Variants in SNX29 observed in about 807,000 individuals in gnomAD.
SNX29 encodes sorting nexin-29.
SNX29 carries 78 observed loss-of-function variants against 102.1 expected under a neutral mutation model. The ratio of observed to expected loss-of-function variants is 0.76; its 90% confidence interval spans 0.64 to 0.92. The LOEUF (loss-of-function observed/expected upper bound fraction) is 0.92. SNX29 is among the 40% of genes least tolerant of loss of function. The pLI is 0.00. For missense variants in SNX29, 1,280 were observed against 1,061.7 expected (o/e 1.21, Z -2.86); for synonymous variants, 580 against 414.5 (o/e 1.40, Z -4.85).
intron 11 of SNX29, among the ~76,000 whole-genome samples, chr16:12,088,372 C>A (rs2052321700): frequency 6.6e-6 from 1 of 152,048 alleles, no homozygotes; most frequent in African/African-American, 2.4e-5. Flanking sequence ...GCTTTTAGGA[C>A]ATGGGTGCTG....
chr16:12,413,276 C>G (rs1247046811), intron 18 of SNX29, among the ~76,000 whole-genome samples: 1 of 152,104 alleles, frequency 6.6e-6, no homozygotes, highest in Non-Finnish European at 1.5e-5. Context: ...AGCCAGGTCA[C>G]TCTTGCTGAA....
chr16:12,492,456 A>G (rs2088598382), intron 19 of SNX29, among the ~76,000 whole-genome samples: 1 of 152,182 alleles, frequency 6.6e-6, no homozygotes, highest in African/African-American at 2.4e-5. Flanking sequence ...GTAGGTTGCA[A>G]AAATTTTCTC....
At chr16:12,379,734 A>G (rs1295486501) in intron 16 of SNX29, among the ~76,000 whole-genome samples, 2 of 152,190 alleles carry the variant, frequency 1.3e-5, no homozygotes, top group African/African-American at 4.8e-5. Context: ...TCTCTCTGGC[A>G]GGGCTGCTGC....
At chr16:12,255,817 T>G (rs1195097369) in intron 14 of SNX29, among the ~76,000 whole-genome samples, 3 of 152,246 alleles carry the variant, frequency 2.0e-5, no homozygotes, top group Non-Finnish European at 4.4e-5. Flanking sequence ...CTATTGTGAA[T>G]AGTGCTGCAA....
intron 20 of SNX29, among the ~76,000 whole-genome samples, chr16:12,542,763 T>G (rs1376414813): frequency 6.6e-6 from 1 of 152,066 alleles, no homozygotes; most frequent in East Asian, 1.9e-4. Context: ...CACTGCCTTT[T>G]TTTTTTTTTT....
At chr16:12,329,867 C>A (rs967253219) in intron 15 of SNX29, among the ~76,000 whole-genome samples, 1 of 152,178 alleles carries the variant, frequency 6.6e-6, no homozygotes, top group Non-Finnish European at 1.5e-5. Context: ...TTGACAAGAG[C>A]TGTTTTTTTC....
intron 2 of SNX29, among the ~76,000 whole-genome samples, chr16:12,001,445 T>C (rs2056284745): frequency 6.6e-6 from 1 of 152,060 alleles, no homozygotes. Flanking sequence ...ATTATTATTG[T>C]TATTTTGACG....
intron 16 of SNX29, among the ~76,000 whole-genome samples, chr16:12,363,329 C>G (rs2082359480): frequency 1.3e-5 from 2 of 152,160 alleles, no homozygotes; most frequent in Admixed American, 6.5e-5. Context: ...TAAGAGGCAT[C>G]TATTTATGGG....
intron 15 of SNX29, among the ~76,000 whole-genome samples, chr16:12,310,119 C>CACACACAT (rs374142105): frequency 0.59 from 89,196 of 151,794 alleles, 27,030 homozygotes; most frequent in African/African-American, 0.71. Context: ...TACACGTGCA[C>CACACACAT]GCACACATGC....
At chr16:12,489,759 C>G (rs1328341027) in intron 19 of SNX29, among the ~76,000 whole-genome samples, 1 of 152,146 alleles carries the variant, frequency 6.6e-6, no homozygotes, top group East Asian at 1.9e-4. Flanking sequence ...CTTTCATTCT[C>G]TCTTCTTCCT....
rs139414541 is a variant in SNX29 at position 12,573,374 on chromosome 16, C to G, written c.*4745C>G. 1 of 223,996 alleles carries G rather than the reference C, an allele frequency of 4.5e-6. No homozygotes were observed. The highest frequency in any genetic ancestry group is 2.2e-5 in the African/African-American group (1 of 44,946). 13.9% of individuals were successfully genotyped at this position (223,996 alleles called of 1,614,324 possible). A position where few individuals can be genotyped will look rare whatever the true frequency, so the allele number is the denominator to read the frequency against. ...CTTCTAAATCCCAGCAACCAAGTTG[C>G]GTATCCTTCCTTATAGCTAGTTTCT... is the stretch of plus-strand genomic sequence containing the variant. On this transcript the variant is annotated 3_prime_UTR_variant, in exon 21 of 21. Transcript: ENST00000566228.
intron 18 of SNX29, among the ~76,000 whole-genome samples, chr16:12,451,292 T>C (rs183418917): frequency 3.4e-3 from 525 of 152,278 alleles, no homozygotes; most frequent in Non-Finnish European, 4.6e-3. Flanking sequence ...AAAATTAGCT[T>C]CTTCCCCACC....
At chr16:12,503,141 C>G (rs2089205822) in intron 19 of SNX29, among the ~76,000 whole-genome samples, 1 of 152,134 alleles carries the variant, frequency 6.6e-6, no homozygotes, top group South Asian at 2.1e-4. Flanking sequence ...ACTGCACACC[C>G]CCCTGCCCAT....
chr16:12,478,937 GT>G (rs756254772), intron 19 of SNX29, among the ~76,000 whole-genome samples: 11 of 152,184 alleles, frequency 7.2e-5, no homozygotes, highest in Non-Finnish European at 1.0e-4. Context: ...TTCGGTATGT[GT>G]TCAATAGCTT....
chr16:12,099,428 G>A (rs929016100), intron 11 of SNX29, among the ~76,000 whole-genome samples: 1 of 152,176 alleles, frequency 6.6e-6, no homozygotes, highest in African/African-American at 2.4e-5. Flanking sequence ...GTGAGGAAGG[G>A]CCAGTGAGTT....
intron 1 of SNX29, among the ~76,000 whole-genome samples, chr16:11,995,983 C>T (rs1596549469): frequency 6.6e-6 from 1 of 151,846 alleles, no homozygotes; most frequent in Admixed American, 6.6e-5. Flanking sequence ...TTGCTTGAAC[C>T]TGGGAGGTGG....
At chr16:12,308,171 A>G (rs2080403310) in intron 15 of SNX29, among the ~76,000 whole-genome samples, 1 of 152,210 alleles carries the variant, frequency 6.6e-6, no homozygotes, top group African/African-American at 2.4e-5. Context: ...CCAACAGCAG[A>G]GATGGCACCT....
chr16:12,118,976 T>C (rs749083774), intron 11 of SNX29, among the ~76,000 whole-genome samples: 11 of 152,346 alleles, frequency 7.2e-5, no homozygotes, highest in Non-Finnish European at 1.5e-4. Flanking sequence ...AAATGTGTGC[T>C]AATTACCTTG....
chr16:12,498,763 C>A (rs979482468), intron 19 of SNX29, among the ~76,000 whole-genome samples: 1 of 152,168 alleles, frequency 6.6e-6, no homozygotes, highest in African/African-American at 2.4e-5. Context: ...AACTTATAAA[C>A]CAAACAGCAT....
Sources: allele counts gnomAD v4.1 joint callset (sites outside exome capture counted in the v4.1 genomes callset), GRCh38; gene constraint gnomAD v4.1.1; transcripts MANE v1.5; gene names NCBI Gene and HGNC (gene_info 2026-07-23, HGNC 2026-07-21).